USP33: variants seen among roughly 807,000 people sequenced by gnomAD.
USP33 encodes ubiquitin specific peptidase 33.
Under a neutral mutation model 124.2 loss-of-function variants are expected in USP33, and 46 were observed. The observed-to-expected ratio is 0.37, with a 90% CI of 0.29 to 0.47. The LOEUF (loss-of-function observed/expected upper bound fraction) is 0.47. Among genes scored for constraint, USP33 ranks in the 20% least tolerant of loss-of-function variants. The pLI, the probability that USP33 is intolerant of heterozygous loss-of-function variation, is 0.99. For synonymous variants in USP33, 350 were observed against 352.3 expected, an observed-to-expected ratio of 0.99 and a Z score of 0.07; for missense variants, 851 against 1,070.6, an observed-to-expected ratio of 0.79 and a Z score of 2.86.
Position 77,723,437 on chromosome 1 carries a change from G to C in USP33, c.1283C>G (p.Ser428Cys), listed in dbSNP as rs747912768. The C allele has an allele frequency of 1.7e-5, 28 of 1,603,324 alleles. No homozygotes were observed. In the East Asian group the frequency reaches 4.5e-4, roughly 26 times the overall value. ...GLAPPHKKAQSASPKRKKQHK... is the reference protein window; with the variant it reads ...GLAPPHKKAQCASPKRKKQHK... ...CTGTTTTTTTCTCTTTGGAGATGCA[G>C]ACTGAGCTAGGATTGAAAAACATTA... The change falls in exon 12 of 24, where the codon TCT (serine) becomes TGT (cysteine). Residue 428 changes from serine to cysteine, a missense_variant. Physicochemically the swap from Ser to Cys is moderately radical, Grantham distance 112. This residue lies in a region of USP33 where 207 missense variants were observed against 200.9 expected (regional missense o/e 1.03). Coordinates refer to ENST00000370794, the MANE Select transcript of USP33 (RefSeq NM_201624.3).
chr1:77,713,542 ACCC>A (rs1324788022), intron 19 of USP33: 1 of 222,636 alleles, frequency 4.5e-6, no homozygotes, highest in Non-Finnish European at 8.2e-6. Context: ...GCTTCAACAC[ACCC>A]AGCTAACTTT....
intron 6 of USP33, 147 bp downstream of exon 6, chr1:77,735,909 T>C: frequency 3.9e-6 from 2 of 515,042 alleles, no homozygotes; most frequent in Non-Finnish European, 6.4e-6. Context: ...GTTTTGCAAA[T>C]AAAATTTTAC....
chr1:77,756,597 A>G, intron 1 of USP33, among the ~76,000 whole-genome samples: 1 of 152,178 alleles, frequency 6.6e-6, no homozygotes, highest in East Asian at 1.9e-4. Flanking sequence ...GTGAGGATTG[A>G]CTGTAGATGG....
Position 77,699,287 on chromosome 1 carries a change from G to A in USP33, c.2510-1356C>T, listed in dbSNP as rs540689104. Among the ~76,000 whole-genome samples, 10 of 152,308 alleles carry A rather than the reference G, an allele frequency of 6.6e-5. No individual in the cohort carries two copies. In the East Asian group the frequency reaches 9.7e-4, roughly 15 times the overall value. ...TGTAATCCCACCACTTTGGGAGGCC[G>A]AGGCAGGTGGCTCACTTGAGATCAG... On this transcript the variant is annotated intron_variant, in intron 22 of 23. Transcript: ENST00000370794.
chr1:77,732,966 T>G (rs1220562559), intron 7 of USP33, among the ~76,000 whole-genome samples: 1 of 151,830 alleles, frequency 6.6e-6, no homozygotes, highest in African/African-American at 2.4e-5. Flanking sequence ...GCTAATTTTT[T>G]GTATTTTTAG....
At chr1:77,714,504 C>T in intron 19 of USP33, 110 bp downstream of exon 19, 1 of 1,068,454 alleles carries the variant, frequency 9.4e-7, no homozygotes, top group Non-Finnish European at 1.4e-6. Flanking sequence ...AGTTTGAATG[C>T]AGGTGGGGAA....
chr1:77,756,963 T>G (rs1680854226), intron 1 of USP33, among the ~76,000 whole-genome samples: 1 of 152,250 alleles, frequency 6.6e-6, no homozygotes, highest in African/African-American at 2.4e-5. Context: ...TCAAACACCT[T>G]CAGTGAAGTC....
At chr1:77,758,718 G>C (rs200808087) in intron 1 of USP33, among the ~76,000 whole-genome samples, 1 of 152,066 alleles carries the variant, frequency 6.6e-6, no homozygotes, top group Non-Finnish European at 1.5e-5. Flanking sequence ...GAACTAGGAC[G>C]GCCTTGTTAC....
intron 21 of USP33, among the ~76,000 whole-genome samples, chr1:77,709,888 C>CAT (rs1675050519): frequency 7.8e-6 from 1 of 127,596 alleles, no homozygotes; most frequent in South Asian, 2.9e-4. Context: ...CACATACACA[C>CAT]ACACACACAC....
chr1:77,704,313 G>A (rs569742448), intron 21 of USP33, among the ~76,000 whole-genome samples: 45 of 152,276 alleles, frequency 3.0e-4, no homozygotes, highest in African/African-American at 1.0e-3. Context: ...TTTCTGTGAT[G>A]TGCAACTTAT....
chr1:77,698,736 G>A lies in USP33; in HGVS notation c.2510-805C>T, dbSNP rs1274574614. Among the ~76,000 whole-genome samples, 7 of 150,388 alleles carry A rather than the reference G, an allele frequency of 4.7e-5. No homozygotes were observed. The East Asian group carries it at 6.1e-4, about 13-fold the overall frequency. On this transcript the variant is annotated intron_variant, in intron 22 of 23. Coordinates refer to ENST00000370794, the MANE Select transcript of USP33 (RefSeq NM_201624.3). ...AGGATGGTCTTGATCTCCTGACCTC[G>A]TGATCCACCCCCCTCGGCCTCCCAA...
rs532603261 is a variant in USP33 at position 77,715,633 on chromosome 1, G to T, written c.2045+109C>A. The T allele has an allele frequency of 1.3e-5, 17 of 1,298,136 alleles. No homozygotes were observed. In the South Asian group the frequency reaches 2.5e-4, roughly 19 times the overall value. 80.4% of individuals were successfully genotyped at this position (1,298,136 alleles called of 1,614,324 possible). On this transcript the variant is annotated intron_variant, in intron 18 of 23. Coordinates refer to ENST00000370794, the MANE Select transcript of USP33 (RefSeq NM_201624.3). Reference sequence around the variant, plus strand: ...GTATTTTACTGTAATGAAATAGGAGGAAAACAATTCCTAATCTTGACTCAG... The same window carrying T: ...GTATTTTACTGTAATGAAATAGGAGTAAAACAATTCCTAATCTTGACTCAG...
At chr1:77,756,972 T>C (rs1031137577) in intron 1 of USP33, among the ~76,000 whole-genome samples, 2 of 152,260 alleles carry the variant, frequency 1.3e-5, no homozygotes, top group African/African-American at 4.8e-5. Flanking sequence ...TTCAGTGAAG[T>C]CTTTCATAAT....
At chr1:77,725,858 C>A in intron 10 of USP33, 96 bp from the exon 11 acceptor site, 1 of 1,144,906 alleles carries the variant, frequency 8.7e-7, no homozygotes, top group South Asian at 1.9e-5. Flanking sequence ...ATTTTGAACA[C>A]AATCATATTA....
At chr1:77,735,894 AGTTT>A (rs941424209) in intron 6 of USP33, among the ~76,000 whole-genome samples, 158 bp downstream of exon 6, 21 of 152,314 alleles carry the variant, frequency 1.4e-4, no homozygotes, top group African/African-American at 5.1e-4. Context: ...AGAAACCAAA[AGTTT>A]GTTTTGCAAA....
intron 8 of USP33, 49 bp downstream of exon 8, chr1:77,730,569 T>C: frequency 2.3e-6 from 3 of 1,319,742 alleles, no homozygotes; most frequent in Non-Finnish European, 3.0e-6. Flanking sequence ...ATATTTATAA[T>C]ATTCATTTAA....
chr1:77,742,073 G>A (rs1013487135), intron 1 of USP33, among the ~76,000 whole-genome samples: 2 of 151,724 alleles, frequency 1.3e-5, no homozygotes, highest in African/African-American at 2.4e-5. Flanking sequence ...AATAAAAGGG[G>A]GGAATATTCA....
At chr1:77,752,689 T>C (rs1435493140) in intron 1 of USP33, among the ~76,000 whole-genome samples, 3 of 152,092 alleles carry the variant, frequency 2.0e-5, no homozygotes, top group South Asian at 2.1e-4. Flanking sequence ...TTTTTAACAA[T>C]AACCTGGATA....
chr1:77,698,067 TC>T, intron 22 of USP33, 136 bp from the exon 23 acceptor site: 13 of 618,842 alleles, frequency 2.1e-5, no homozygotes, highest in Admixed American at 6.8e-5. Context: ...TATAGTTAAT[TC>T]TTTTTTTTTT....
Sources: allele counts gnomAD v4.1 joint callset (sites outside exome capture counted in the v4.1 genomes callset), GRCh38; gene constraint gnomAD v4.1.1; regional missense constraint gnomAD v4.1.1; transcripts MANE v1.5; gene names NCBI Gene and HGNC (gene_info 2026-07-23, HGNC 2026-07-21).